The following PARP12 variants were observed in gnomAD, a reference collection of about 807,000 sequenced individuals.
PARP12 encodes poly(ADP-ribose) polymerase family member 12, also known as protein mono-ADP-ribosyltransferase PARP12.
PARP12 carries 59 observed loss-of-function variants against 72.4 expected under a neutral mutation model. The ratio of observed to expected loss-of-function variants is 0.81; its 90% CI spans 0.66 to 1.01. PARP12 has a LOEUF of 1.01. Ranked by LOEUF, PARP12 falls within the 50% of genes least tolerant of loss-of-function variation. The pLI is 0.00. For synonymous variants in PARP12, 403 were observed against 371.4 expected (o/e 1.09, Z -0.98); for missense variants, 851 against 914.0 (o/e 0.93, Z 0.89).
In PARP12 at chr7:140,037,318, C is replaced by T. The variant is rs62490137; in HGVS notation, c.1324+397G>A. 6.4e-4 allele frequency among the ~76,000 whole-genome samples: 97 copies of T among 152,192 alleles called. No homozygotes were observed. In the East Asian group the frequency reaches 0.014, roughly 22 times the overall value. ...CAGCCTGGGTGACAGAGCGAGACTC[C>T]GTCTCAAAAAAAAGATGACAGCAGC... On this transcript the variant is annotated intron_variant, in intron 7 of 11. Transcript: ENST00000263549.
chr7:140,037,640 C>A, intron 7 of PARP12, 75 bp downstream of exon 7: 1 of 1,578,152 alleles, frequency 6.3e-7, no homozygotes, highest in Admixed American at 1.7e-5. Flanking sequence ...GTGCACACGG[C>A]TCCTCCAGGG....
intron 2 of PARP12, chr7:140,057,620 T>C (rs1458094110): frequency 6.6e-6 from 3 of 452,248 alleles, no homozygotes; most frequent in Non-Finnish European, 1.2e-5. Flanking sequence ...CCCTTTCATT[T>C]CTCAATGGAG....
At chr7:140,031,276 G>A (rs571379629) in intron 8 of PARP12, among the ~76,000 whole-genome samples, 1 of 152,258 alleles carries the variant, frequency 6.6e-6, no homozygotes, top group Admixed American at 6.5e-5. Context: ...GGGATGCTGA[G>A]GTGGGAGGAT....
In PARP12 at chr7:140,024,198, C is replaced by T; in HGVS notation, c.*362G>A. 1 of 318,812 alleles carries T rather than the reference C, an allele frequency of 3.1e-6. No individual in the cohort carries two copies. Among genetic ancestry groups the T allele is most frequent in the South Asian group, 2.7e-5 (1 of 37,256 alleles). The allele number at this position is 318,812 out of a possible 1,614,324, so 19.7% of individuals were successfully genotyped here. A position where few individuals can be genotyped will look rare whatever the true frequency, so the allele number is the denominator to read the frequency against. On this transcript the variant is annotated 3_prime_UTR_variant, in exon 12 of 12. Transcript: ENST00000263549. ...TATGATGCCATGAGACTCTGAGAAA[C>T]CGAATCACTGCAGAGACAAACTCAT...
Position 140,026,227 on chromosome 7 carries a change from A to G in PARP12, c.1750T>C (p.Cys584Arg). Residue 584 changes from cysteine to arginine, a missense_variant, in exon 11 of 12, where the codon TGT becomes CGT. Physicochemically the swap from Cys to Arg is radical, Grantham distance 180. This residue lies in a region of PARP12 where 347 missense variants were observed against 396.1 expected (regional missense o/e 0.88). Transcript: ENST00000263549. ...ICQQNFDWRV[C>R]GVHGTSYGKG... is the part of the protein sequence containing the mutation. Reference sequence around the variant, plus strand: ...CCGTAGGAAGTGCCATGAACACCACAGACCCGCCAGTCAAAGTTCTGCTGG... The same window carrying G: ...CCGTAGGAAGTGCCATGAACACCACGGACCCGCCAGTCAAAGTTCTGCTGG... 3 of 1,614,064 alleles carry G rather than the reference A, an allele frequency of 1.9e-6. No homozygotes were observed. The highest frequency in any genetic ancestry group is 2.5e-6 in the Non-Finnish European group (3 of 1,180,036).
intron 5 of PARP12, among the ~76,000 whole-genome samples, chr7:140,046,037 G>A (rs1233591308): frequency 2.6e-5 from 4 of 152,180 alleles, no homozygotes; most frequent in Non-Finnish European, 5.9e-5. Flanking sequence ...AAAATGATCC[G>A]TATCTCAATC....
intron 2 of PARP12, 124 bp downstream of exon 2, chr7:140,057,775 T>C: frequency 7.4e-7 from 1 of 1,358,602 alleles, no homozygotes; most frequent in Non-Finnish European, 9.8e-7. Flanking sequence ...TCCAAATTTC[T>C]GCAGGTGGAA....
At chr7:140,044,833 T>A (rs1168567884) in intron 5 of PARP12, among the ~76,000 whole-genome samples, 4 of 152,120 alleles carry the variant, frequency 2.6e-5, no homozygotes, top group Non-Finnish European at 4.4e-5. Flanking sequence ...CAGACTCTCA[T>A]TAAAGCAACC....
rs1340359825 is a variant in PARP12 at position 140,024,753 on chromosome 7, G to A, written c.1913C>T (p.Pro638Leu). The A allele has an allele frequency of 1.6e-5, 26 of 1,614,054 alleles. No individual in the cohort carries two copies. Among genetic ancestry groups the A allele is most frequent in the Non-Finnish European group, 2.1e-5 (25 of 1,180,040 alleles). Residue 638 changes from proline (P) to leucine (L), a missense_variant, in exon 12 of 12, where the codon CCG becomes CTG. Physicochemically the swap from Pro to Leu is moderately conservative, Grantham distance 98. This residue lies in a region of PARP12 where 347 missense variants were observed against 396.1 expected (regional missense o/e 0.88). Coordinates refer to ENST00000263549, the MANE Select transcript of PARP12 (RefSeq NM_022750.4). ...VRGNASFVRP[P>L]AKEGWSNAFY... ...GGCGTTGCTCCAGCCCTCCTTGGCC[G>A]GCGGACGGACAAAGGAGGCATTGCC...
chr7:140,057,712 T>C (rs1157852130), intron 2 of PARP12, 187 bp downstream of exon 2: 3 of 726,186 alleles, frequency 4.1e-6, no homozygotes, highest in African/African-American at 3.6e-5. Flanking sequence ...TTTGTGGAAC[T>C]GGGTTGTTGG....
intron 1 of PARP12, among the ~76,000 whole-genome samples, chr7:140,060,142 A>C (rs1358966504): frequency 1.3e-5 from 2 of 152,204 alleles, no homozygotes; most frequent in African/African-American, 4.8e-5. Flanking sequence ...GAGGGTAGTA[A>C]TATCATTAAC....
intron 8 of PARP12, among the ~76,000 whole-genome samples, chr7:140,032,664 C>A (rs1815983608): frequency 2.0e-5 from 3 of 152,028 alleles, no homozygotes; most frequent in Admixed American, 2.0e-4. Context: ...TGAATTGAAA[C>A]AAAGTGATTA....
intron 1 of PARP12, among the ~76,000 whole-genome samples, chr7:140,060,202 C>T (rs2001621): frequency 0.29 from 44,084 of 151,868 alleles, 7,270 homozygotes; most frequent in East Asian, 0.56. Context: ...GTCACTTGCC[C>T]GAAGCCATCA....
intron 4 of PARP12, among the ~76,000 whole-genome samples, chr7:140,050,539 C>G (rs1479858188): frequency 6.6e-6 from 1 of 152,170 alleles, no homozygotes; most frequent in Non-Finnish European, 1.5e-5. Context: ...AATCAACCAA[C>G]AGGTATACGG....
At position 140,062,786 on chromosome 7, in the gene PARP12, A is replaced by G; in HGVS notation, c.62T>C (p.Leu21Pro). The change falls in exon 1 of 12, where the codon CTG becomes CCG. Residue 21 changes from leucine to proline, a missense_variant. Leu to Pro is a moderately conservative substitution (Grantham distance 98, BLOSUM62 -3). This residue lies in a region of PARP12 where 492 missense variants were observed against 489.3 expected (regional missense o/e 1.01). Coordinates refer to ENST00000263549, the MANE Select transcript of PARP12 (RefSeq NM_022750.4). ...TQVLCAAGGALELPELRRRLR... is the reference protein window; with the variant it reads ...TQVLCAAGGAPELPELRRRLR... The stretch of plus-strand genomic sequence containing the variant: ...GCGGCGCCGCAGCTCGGGCAACTCC[A>G]GGGCGCCCCCGGCCGCGCACAGCAC... The G allele has an allele frequency of 7.1e-7, 1 of 1,409,486 alleles. No individual in the cohort carries two copies. Among genetic ancestry groups the G allele is most frequent in the Non-Finnish European group, 9.3e-7 (1 of 1,078,808 alleles). 87.3% of individuals were successfully genotyped at this position (1,409,486 alleles called of 1,614,324 possible).
At chr7:140,057,626 T>C in intron 2 of PARP12, 1 of 463,388 alleles carries the variant, frequency 2.2e-6, no homozygotes, top group Non-Finnish European at 3.8e-6. Flanking sequence ...CATTTCTCAA[T>C]GGAGCACACT....
intron 5 of PARP12, among the ~76,000 whole-genome samples, chr7:140,044,618 T>C (rs1310541765): frequency 1.3e-5 from 2 of 152,202 alleles, no homozygotes; most frequent in Non-Finnish European, 2.9e-5. Context: ...ATCAAGTTCA[T>C]GGTAATTTGT....
At chr7:140,041,608 A>G (rs553572648) in intron 6 of PARP12, 36 bp downstream of exon 6, 192 of 1,585,018 alleles carry the variant, frequency 1.2e-4, no homozygotes, top group Non-Finnish European at 1.6e-4. Flanking sequence ...ACAGATCCTC[A>G]GGACAAAACA....
chr7:140,033,170 G>A (rs2116534586), intron 8 of PARP12: 1 of 984,224 alleles, frequency 1.0e-6, no homozygotes, highest in East Asian at 1.1e-4. Context: ...TGGGATTACA[G>A]GTGTGAGTCA....
Sources: gnomAD v4.1 joint callset for allele counts (sites outside exome capture counted in the v4.1 genomes callset) on GRCh38, gnomAD v4.1.1 for gene constraint, gnomAD v4.1.1 regional missense constraint, MANE v1.5 for transcripts, NCBI Gene and HGNC (gene_info 2026-07-23, HGNC 2026-07-21) for gene names.